PARPBP: variants seen among roughly 807,000 people sequenced by gnomAD.
The protein encoded by PARPBP is PCNA-interacting partner.
Under a neutral mutation model 50.0 loss-of-function variants are expected in PARPBP, and 52 were observed. That is an observed-to-expected ratio of 1.04 (90% confidence interval 0.83 to 1.31). The LOEUF is 1.31. Among genes scored for constraint, PARPBP ranks in the 50% most tolerant of loss-of-function variants. The probability of loss-of-function intolerance (pLI) is 0.00; values close to 1 mark genes in which losing one functional copy is unlikely to be tolerated. For synonymous variants in PARPBP, 244 were observed against 232.1 expected (o/e 1.05, Z -0.47); for missense variants, 697 against 672.0 (o/e 1.04, Z -0.41).
chr12:102,194,727 C>T (rs1891105724), intron 9 of PARPBP, among the ~76,000 whole-genome samples: 1 of 151,776 alleles, frequency 6.6e-6, no homozygotes, highest in Non-Finnish European at 1.5e-5. Flanking sequence ...TACATTGAAT[C>T]ATCTTTCTTG....
Position 102,195,937 on chromosome 12 carries a change from A to C in PARPBP, c.1400-14A>C. On this transcript the variant is annotated splice_polypyrimidine_tract_variant and intron_variant, in intron 10 of 10. Coordinates refer to ENST00000327680, the MANE Select transcript of PARPBP (RefSeq NM_017915.5). The stretch of plus-strand genomic sequence containing the variant: ...ATCATGTAATTCCTTTCCCCTTTTT[A>C]TCTTGCATAACAGAGGGTGTAAATC... 1 of 1,510,196 alleles carries C rather than the reference A, an allele frequency of 6.6e-7. No homozygotes were observed. The highest frequency in any genetic ancestry group is 8.9e-7 in the Non-Finnish European group (1 of 1,118,402). The allele number at this position is 1,510,196 out of a possible 1,614,324, so 93.5% of individuals were successfully genotyped here. A position where few individuals can be genotyped will look rare whatever the true frequency, so the allele number is the denominator to read the frequency against.
In PARPBP at chr12:102,197,468, T is replaced by C; in HGVS notation, c.*1177T>C. On this transcript the variant is annotated 3_prime_UTR_variant, in exon 11 of 11. Transcript: ENST00000327680. Reference sequence around the variant, plus strand: ...TCAGTTTTACTTTTCAGAGGATTTGTAAGAATCATTTAAATTTTCATTGAA... The same window carrying C: ...TCAGTTTTACTTTTCAGAGGATTTGCAAGAATCATTTAAATTTTCATTGAA... The C allele has an allele frequency of 6.7e-7, 1 of 1,493,652 alleles. No homozygotes were observed. The highest frequency in any genetic ancestry group is 9.0e-7 in the Non-Finnish European group (1 of 1,105,790). 92.5% of individuals were successfully genotyped at this position (1,493,652 alleles called of 1,614,324 possible).
At chr12:102,176,788 AT>A (rs1157299863) in intron 7 of PARPBP, among the ~76,000 whole-genome samples, 1 of 152,008 alleles carries the variant, frequency 6.6e-6, no homozygotes, top group Non-Finnish European at 1.5e-5. Flanking sequence ...ACTTTTAGCT[AT>A]TTTTCTATAA....
chr12:102,184,309 C>T (rs1890120098), intron 9 of PARPBP, among the ~76,000 whole-genome samples: 2 of 151,974 alleles, frequency 1.3e-5, no homozygotes, highest in Non-Finnish European at 2.9e-5. Flanking sequence ...TTCTCTCAAG[C>T]ATTTTATCCT....
At chr12:102,154,007 G>A in intron 4 of PARPBP, 31 bp downstream of exon 4, 1 of 1,229,910 alleles carries the variant, frequency 8.1e-7, no homozygotes, top group Non-Finnish European at 1.2e-6. Context: ...AATTAAAGCA[G>A]ACTATAATCC....
At chr12:102,185,093 A>G (rs1890185733) in intron 9 of PARPBP, among the ~76,000 whole-genome samples, 1 of 152,184 alleles carries the variant, frequency 6.6e-6, no homozygotes, top group Admixed American at 6.5e-5. Flanking sequence ...TTAAATAGAA[A>G]TAGATGCTCC....
At chr12:102,123,780 C>T in intron 1 of PARPBP, 106 bp from the exon 2 acceptor site, 1 of 608,780 alleles carries the variant, frequency 1.6e-6, no homozygotes, top group Non-Finnish European at 2.7e-6. Context: ...GAAATGACCT[C>T]TCATTCACTA....
intron 5 of PARPBP, among the ~76,000 whole-genome samples, chr12:102,164,835 C>T (rs1265500767): frequency 6.6e-6 from 1 of 152,062 alleles, no homozygotes; most frequent in Non-Finnish European, 1.5e-5. Context: ...TAGTGCTAGC[C>T]CTGATAAATT....
chr12:102,191,333 T>C (rs531906833), intron 9 of PARPBP, among the ~76,000 whole-genome samples: 112 of 152,294 alleles, frequency 7.4e-4, no homozygotes, highest in African/African-American at 2.6e-3. Flanking sequence ...GTAAATGGAA[T>C]TTCACTGATG....
chr12:102,182,572 C>T lies in PARPBP; in HGVS notation c.1208C>T (p.Ser403Leu), dbSNP rs557114331. ...LFRSPTQVNN[S>L]IKPLRERICV... The stretch of plus-strand genomic sequence containing the variant: ...AGGTCTCCCACACAGGTGAATAATT[C>T]GATAAAACCCCTAAGAGAACGCATC... Residue 403 changes from serine (S) to leucine (L), a missense_variant, in exon 9 of 11, where the codon TCG (serine) becomes TTG (leucine). By Grantham distance (145) the Ser-to-Leu change is moderately radical. Transcript: ENST00000327680. 1.6e-5 allele frequency: 26 copies of T among 1,605,594 alleles called. 1 individual carries two copies. The African/African-American group carries it at 1.6e-4, about 10-fold the overall frequency.
At chr12:102,123,711 C>A (rs186866818) in intron 1 of PARPBP, among the ~76,000 whole-genome samples, 175 bp from the exon 2 acceptor site, 1 of 151,934 alleles carries the variant, frequency 6.6e-6, no homozygotes, top group Non-Finnish European at 1.5e-5. Context: ...AATATGATTG[C>A]GCAGAAATTG....
chr12:102,137,732 C>A (rs1011733097), intron 2 of PARPBP, among the ~76,000 whole-genome samples: 1 of 151,908 alleles, frequency 6.6e-6, no homozygotes, highest in Non-Finnish European at 1.5e-5. Flanking sequence ...TCAGTTCCCA[C>A]CTATGAGTCA....
chr12:102,168,761 G>A (rs924980145), intron 6 of PARPBP, among the ~76,000 whole-genome samples: 2 of 151,904 alleles, frequency 1.3e-5, no homozygotes, highest in Non-Finnish European at 1.5e-5. Context: ...GTGGGAAAGT[G>A]GATAACCCAT....
At chr12:102,146,875 AAAAC>A (rs542833893) in intron 2 of PARPBP, among the ~76,000 whole-genome samples, 2,616 of 152,296 alleles carry the variant, frequency 0.017, 69 homozygotes, top group African/African-American at 0.06. Context: ...TTGCAAGAAA[AAAAC>A]AAACAACCCC....
intron 6 of PARPBP, among the ~76,000 whole-genome samples, chr12:102,172,402 G>A (rs937062943): frequency 6.6e-5 from 10 of 151,974 alleles, no homozygotes; most frequent in Admixed American, 2.6e-4. Context: ...TTGTATTGCC[G>A]GTGAACAGCA....
At chr12:102,187,529 C>T (rs1158395548) in intron 9 of PARPBP, among the ~76,000 whole-genome samples, 1 of 152,146 alleles carries the variant, frequency 6.6e-6, no homozygotes, top group Non-Finnish European at 1.5e-5. Flanking sequence ...TTGAAATACA[C>T]TCCCTAATGA....
chr12:102,193,641 A>G (rs1891006439), intron 9 of PARPBP, among the ~76,000 whole-genome samples: 1 of 152,114 alleles, frequency 6.6e-6, no homozygotes, highest in African/African-American at 2.4e-5. Flanking sequence ...AAGTTCATGG[A>G]TAATGCTACT....
At chr12:102,149,466 A>G (rs1885900871) in intron 3 of PARPBP, among the ~76,000 whole-genome samples, 1 of 152,168 alleles carries the variant, frequency 6.6e-6, no homozygotes, top group Non-Finnish European at 1.5e-5. Flanking sequence ...TGACTGTTGG[A>G]GCTCCAGCCA....
At chr12:102,150,941 G>T (rs1286299733) in intron 3 of PARPBP, among the ~76,000 whole-genome samples, 2 of 152,186 alleles carry the variant, frequency 1.3e-5, no homozygotes, top group Non-Finnish European at 2.9e-5. Flanking sequence ...CTGGTAGCCT[G>T]TTTGTTTGTC....
Sources: allele counts gnomAD v4.1 joint callset (sites outside exome capture counted in the v4.1 genomes callset), GRCh38; gene constraint gnomAD v4.1.1; transcripts MANE v1.5; gene names NCBI Gene and HGNC (gene_info 2026-07-23, HGNC 2026-07-21).